ESR1: variants seen among roughly 807,000 people sequenced by gnomAD.
The protein encoded by ESR1 is estrogen receptor 1.
In ESR1, 12 loss-of-function variants were observed where a neutral mutation model predicts 52.7. The observed-to-expected ratio is 0.23, with a 90% CI of 0.15 to 0.37. ESR1 has a LOEUF of 0.37. Among genes scored for constraint, ESR1 ranks in the 10% least tolerant of loss-of-function variants. The pLI is 1.00. For synonymous variants in ESR1, 305 were observed against 316.8 expected (o/e 0.96, Z 0.39); for missense variants, 584 against 779.7 (o/e 0.75, Z 2.99).
intron 4 of ESR1, among the ~76,000 whole-genome samples, chr6:152,006,752 C>A (rs1273859227): frequency 6.6e-6 from 1 of 151,956 alleles, no homozygotes; most frequent in Non-Finnish European, 1.5e-5. Context: ...ATGCAACAGG[C>A]AATTTCATGA....
intron 2 of ESR1, among the ~76,000 whole-genome samples, chr6:151,765,667 G>T (rs917462326): frequency 2.6e-5 from 4 of 152,158 alleles, no homozygotes; most frequent in Non-Finnish European, 2.9e-5. Flanking sequence ...TGGAGGAGTT[G>T]CCTGGGCTTG....
intron 4 of ESR1, among the ~76,000 whole-genome samples, chr6:152,001,558 C>T (rs2041946621): frequency 1.3e-5 from 2 of 152,190 alleles, no homozygotes; most frequent in South Asian, 4.1e-4. Context: ...TACATCCCAA[C>T]TGTAGTACCT....
chr6:151,873,871 G>C (rs1791387346), intron 2 of ESR1, among the ~76,000 whole-genome samples: 2 of 152,170 alleles, frequency 1.3e-5, no homozygotes, highest in Non-Finnish European at 2.9e-5. Context: ...ATAAACCATA[G>C]TTAATTTTAT....
intron 6 of ESR1, among the ~76,000 whole-genome samples, chr6:152,062,348 C>A (rs769945807): frequency 8.5e-5 from 13 of 152,174 alleles, no homozygotes; most frequent in Admixed American, 3.9e-4. Context: ...TTTTCCACTT[C>A]TCTTCCCCAC....
intron 1 of ESR1, among the ~76,000 whole-genome samples, chr6:151,835,690 C>T (rs1405884403): frequency 6.6e-6 from 1 of 152,096 alleles, no homozygotes; most frequent in Non-Finnish European, 1.5e-5. Flanking sequence ...GTAGTGTGAG[C>T]AATTTCTCAG....
At chr6:152,015,003 G>A (rs762207223) in intron 5 of ESR1, among the ~76,000 whole-genome samples, 3 of 152,112 alleles carry the variant, frequency 2.0e-5, no homozygotes, top group Non-Finnish European at 2.9e-5. Flanking sequence ...GGAGGCAGAC[G>A]TTGCAGTGAG....
chr6:151,863,581 A>G (rs1272283307), intron 2 of ESR1, among the ~76,000 whole-genome samples: 2 of 152,168 alleles, frequency 1.3e-5, no homozygotes, highest in African/African-American at 4.8e-5. Flanking sequence ...CAATCATGTC[A>G]TCTGCAAACA....
chr6:152,003,726 T>C (rs1358525637), intron 4 of ESR1, among the ~76,000 whole-genome samples: 1 of 151,972 alleles, frequency 6.6e-6, no homozygotes, highest in Non-Finnish European at 1.5e-5. Flanking sequence ...CTTAATATCT[T>C]CATACTCCCC....
chr6:151,692,808 C>A (rs1469356153), intron 1 of ESR1, among the ~76,000 whole-genome samples: 2 of 152,194 alleles, frequency 1.3e-5, no homozygotes, highest in Non-Finnish European at 2.9e-5. Flanking sequence ...ATCGTTCTAT[C>A]TAAGGCGTAT....
At chr6:151,658,790 T>C (rs928181458) in intron 1 of ESR1, among the ~76,000 whole-genome samples, 4 of 152,340 alleles carry the variant, frequency 2.6e-5, no homozygotes, top group Admixed American at 2.0e-4. Flanking sequence ...GAAGAGAGTA[T>C]TATTCCTTAT....
chr6:151,703,589 C>T (rs1174463402), intron 2 of ESR1, among the ~76,000 whole-genome samples: 1 of 152,110 alleles, frequency 6.6e-6, no homozygotes, highest in African/African-American at 2.4e-5. Flanking sequence ...TCTTTGCCAG[C>T]TTGATGCAGT....
chr6:151,876,564 C>A (rs1791852897), intron 2 of ESR1, among the ~76,000 whole-genome samples: 1 of 152,030 alleles, frequency 6.6e-6, no homozygotes, highest in African/African-American at 2.4e-5. Flanking sequence ...GACAACAAAG[C>A]CAAACCAGCT....
chr6:152,073,083 A>G lies in ESR1; in HGVS notation c.1369+11959A>G, dbSNP rs551618729. Among the ~76,000 whole-genome samples the G allele has an allele frequency of 2.0e-5, 3 of 152,366 alleles. No homozygotes were observed. The East Asian group carries it at 5.8e-4, about 29-fold the overall frequency. ...ATGCCAGAGGCATTTCCAACTAAGA[A>G]AATTATTCACAGAAGCTTTAATTAC... On this transcript the variant is annotated intron_variant, in intron 6 of 7. Transcript: ENST00000206249.
At chr6:151,751,867 T>C (rs1783927999) in intron 2 of ESR1, among the ~76,000 whole-genome samples, 1 of 152,200 alleles carries the variant, frequency 6.6e-6, no homozygotes, top group Non-Finnish European at 1.5e-5. Flanking sequence ...CCACTCTGCA[T>C]GGTTACAGGG....
At chr6:151,677,960 A>T (rs570928979) in intron 1 of ESR1, among the ~76,000 whole-genome samples, 1 of 150,470 alleles carries the variant, frequency 6.6e-6, no homozygotes, top group East Asian at 2.2e-4. Flanking sequence ...TTACATTTGT[A>T]AAAAAATTAA....
At chr6:152,013,579 G>A (rs1339583335) in intron 5 of ESR1, among the ~76,000 whole-genome samples, 1 of 152,116 alleles carries the variant, frequency 6.6e-6, no homozygotes, top group African/African-American at 2.4e-5. Context: ...CTTGAGGACA[G>A]TCATCAAATA....
intron 2 of ESR1, among the ~76,000 whole-genome samples, chr6:151,778,480 A>T (rs929423294): frequency 1.3e-5 from 2 of 149,764 alleles, no homozygotes; most frequent in Non-Finnish European, 2.9e-5. Flanking sequence ...ATCTCGGCTC[A>T]TTGCAACCTC....
chr6:151,949,033 C>A (rs888498800), intron 4 of ESR1, among the ~76,000 whole-genome samples: 1 of 152,226 alleles, frequency 6.6e-6, no homozygotes, highest in Admixed American at 6.5e-5. Flanking sequence ...TTCCCATAAA[C>A]TAGAACTGCT....
chr6:152,037,932 TA>T lies in ESR1; in HGVS notation c.1236-23058del, dbSNP rs546509640. ...ATCTAGAGGGACAAGACTAATAGGA[TA>T]GATGTATATATGAAAAGGAGTTTAT... On this transcript the variant is annotated intron_variant, in intron 5 of 7. Transcript: ENST00000206249. 3.0e-3 allele frequency among the ~76,000 whole-genome samples: 462 copies of T among 152,250 alleles called. 6 individuals are homozygous for T. The highest frequency in any genetic ancestry group is 0.011 in the African/African-American group (437 of 41,552).
Sources: allele counts gnomAD v4.1 joint callset (sites outside exome capture counted in the v4.1 genomes callset), GRCh38; gene constraint gnomAD v4.1.1; transcripts MANE v1.5; gene names NCBI Gene and HGNC (gene_info 2026-07-23, HGNC 2026-07-21).